The following KNTC1 variants were observed in gnomAD, a reference collection of about 807,000 sequenced individuals.
KNTC1 encodes the protein kinetochore-associated protein 1.
In KNTC1, 253 loss-of-function variants were observed where a neutral mutation model predicts 314.4. The observed-to-expected ratio is 0.80, with a 90% CI of 0.73 to 0.89. KNTC1 has a LOEUF of 0.89. KNTC1 is among the 40% of genes least tolerant of loss of function. The pLI, the probability that KNTC1 is intolerant of heterozygous loss-of-function variation, is 0.00. For synonymous variants in KNTC1, 901 were observed against 901.4 expected (o/e 1.00, Z 0.01); for missense variants, 2,475 against 2,572.9 (o/e 0.96, Z 0.82).
At position 122,602,646 on chromosome 12, in the gene KNTC1, G is replaced by A; in HGVS notation, c.4731G>A (p.Leu1577=). ...TGGATCTAGAATATCAGTATATGTT[G>A]GAACATGTCATAACTTTGCCATCAG... ...PPVDLEYQYM[L]EHVITLPSAA... Residue 1577 remains leucine (L), a synonymous_variant, in exon 46 of 64, where the codon TTG becomes TTA. Coordinates refer to ENST00000333479, the MANE Select transcript of KNTC1 (RefSeq NM_014708.6). 6 of 1,612,254 alleles carry A rather than the reference G, an allele frequency of 3.7e-6. No homozygotes were observed. Among genetic ancestry groups the A allele is most frequent in the Non-Finnish European group, 5.1e-6 (6 of 1,178,408 alleles).
At chr12:122,624,024 C>T (rs1162526812) in intron 62 of KNTC1, among the ~76,000 whole-genome samples, 3 of 152,118 alleles carry the variant, frequency 2.0e-5, no homozygotes, top group Non-Finnish European at 2.9e-5. Context: ...GCCGAGATCG[C>T]ACCATTGCAC....
At chr12:122,564,300 C>T (rs1201286141) in intron 20 of KNTC1, among the ~76,000 whole-genome samples, 1 of 151,626 alleles carries the variant, frequency 6.6e-6, no homozygotes, top group Non-Finnish European at 1.5e-5. Flanking sequence ...TTTTAATAAT[C>T]TGAAAATCCA....
At position 122,615,073 on chromosome 12, in the gene KNTC1, T is replaced by C. The variant is rs371165754; in HGVS notation, c.5960T>C (p.Leu1987Pro). The change falls in exon 56 of 64, where the codon CTG becomes CCG. Residue 1987 changes from leucine (L) to proline (P), a missense_variant. Leu to Pro is a moderately conservative substitution (Grantham distance 98). Transcript: ENST00000333479. The stretch of plus-strand genomic sequence containing the variant: ...TGGAATGGACTCTTGCAAAAGCTTC[T>C]GGGCTTCAATATGGTAAGTAAGACT... ...QLWNGLLQKL[L>P]GFNMIPYLRK... The C allele has an allele frequency of 2.7e-5, 43 of 1,611,348 alleles. No homozygotes were observed. The highest frequency in any genetic ancestry group is 1.6e-4 in the Middle Eastern group (1 of 6,078).
chr12:122,603,180 T>C lies in KNTC1; in HGVS notation c.5038T>C (p.Ser1680Pro), dbSNP rs1368874405. ...GCAGACCATCGAATCCTGCTTACTC[T>C]CTATAGTCAACCCAGAGTGGGCTGT... ...ITQTIESCLL[S>P]IVNPEWAVAI... Residue 1680 changes from serine (S) to proline (P), a missense_variant, in exon 48 of 64, where the codon TCT becomes CCT. Ser to Pro is a moderately conservative substitution (Grantham distance 74). Transcript: ENST00000333479. The C allele has an allele frequency of 6.2e-7, 1 of 1,613,308 alleles. No homozygotes were observed. Among genetic ancestry groups the C allele is most frequent in the South Asian group, 1.1e-5 (1 of 90,980 alleles).
At chr12:122,616,414 C>T (rs1456247984) in intron 57 of KNTC1, among the ~76,000 whole-genome samples, 12 of 152,076 alleles carry the variant, frequency 7.9e-5, no homozygotes, top group South Asian at 2.1e-4. Flanking sequence ...AGGCGCATGC[C>T]GCCACGCCCT....
intron 43 of KNTC1, chr12:122,597,231 A>G (rs1340503704): frequency 6.4e-6 from 1 of 155,284 alleles, no homozygotes; most frequent in Non-Finnish European, 1.4e-5. Context: ...CCCACCAGGA[A>G]TAATACCTGA....
At position 122,622,588 on chromosome 12, in the gene KNTC1, T is replaced by C; in HGVS notation, c.6496T>C (p.Tyr2166His). 2 of 1,542,570 alleles carry C rather than the reference T, an allele frequency of 1.3e-6. No homozygotes were observed. The highest frequency in any genetic ancestry group is 1.7e-6 in the Non-Finnish European group (2 of 1,145,254). Residue 2166 changes from tyrosine (Y) to histidine (H), a missense_variant, in exon 62 of 64, where the codon TAT becomes CAT. Tyr to His is a moderately conservative substitution (Grantham distance 83, BLOSUM62 2). Transcript: ENST00000333479. ...NTNNITELVN[Y>H]LANDLSLDEA... ...CAACAATATCACTGAGCTAGTGAAC[T>C]ATTTGGCAAATGACTTAAGGTAAGT... is the stretch of plus-strand genomic sequence containing the variant.
intron 57 of KNTC1, among the ~76,000 whole-genome samples, chr12:122,616,069 A>G (rs780780654): frequency 2.0e-5 from 3 of 152,084 alleles, no homozygotes; most frequent in African/African-American, 4.8e-5. Context: ...TCTTTTCTAC[A>G]TTTCACATAA....
Position 122,561,903 on chromosome 12 carries a change from CTTATTA to C in KNTC1, c.1489-15_1489-10del, listed in dbSNP as rs746149851. The stretch of plus-strand genomic sequence containing the variant: ...AGTAGATATTCTTCTAACTGTATTT[CTTATTA>C]TTCTTACTTAGCTTTTGAAGAAAGA... On this transcript the variant is annotated splice_polypyrimidine_tract_variant and intron_variant, in intron 18 of 63. Transcript: ENST00000333479. The C allele has an allele frequency of 3.3e-4, 508 of 1,543,350 alleles. 1 individual carries two copies. The Middle Eastern group carries it at 3.6e-3, about 11-fold the overall frequency.
At chr12:122,550,999 T>C (rs1352236903) in intron 13 of KNTC1, among the ~76,000 whole-genome samples, 2 of 152,214 alleles carry the variant, frequency 1.3e-5, no homozygotes, top group Non-Finnish European at 2.9e-5. Flanking sequence ...ATTTGTCCTG[T>C]TATGGGTGAT....
chr12:122,538,241 G>T, intron 3 of KNTC1, 98 bp from the exon 4 acceptor site: 2 of 660,538 alleles, frequency 3.0e-6, no homozygotes, highest in Admixed American at 2.8e-5. Flanking sequence ...AGTAACTTAA[G>T]TAATCGTTGG....
At chr12:122,532,737 T>C (rs1173059864) in intron 2 of KNTC1, among the ~76,000 whole-genome samples, 1 of 152,212 alleles carries the variant, frequency 6.6e-6, no homozygotes, top group East Asian at 1.9e-4. Flanking sequence ...TGGCATCTTA[T>C]TCATTCCTTT....
chr12:122,591,400 T>G lies in KNTC1; in HGVS notation c.4192T>G (p.Phe1398Val). 6.2e-7 allele frequency: 1 copy of G among 1,612,378 alleles called. No individual in the cohort carries two copies. Among genetic ancestry groups the G allele is most frequent in the South Asian group, 1.1e-5 (1 of 90,982 alleles). The change falls in exon 42 of 64, where the codon TTC (phenylalanine) becomes GTC (valine). Residue 1398 changes from phenylalanine to valine, a missense_variant. Physicochemically the swap from Phe to Val is conservative, Grantham distance 50. Transcript: ENST00000333479. ...TCAGGAAATAGAAATGGGGCTTAAG[T>G]TCCGTGAACTCAGTACTGATGCCCA... The part of the protein sequence containing the change: ...LYQEIEMGLK[F>V]RELSTDAQWG...
intron 47 of KNTC1, 61 bp from the exon 48 acceptor site, chr12:122,602,965 CT>C: frequency 6.4e-7 from 1 of 1,558,400 alleles, no homozygotes; most frequent in Non-Finnish European, 8.8e-7. Context: ...TTTTCTGCTG[CT>C]TTCATGTAAA....
In KNTC1 at chr12:122,626,217, G is replaced by C. The variant is rs1473725173; in HGVS notation, c.6619G>C (p.Gly2207Arg). 8.2e-6 allele frequency: 13 copies of C among 1,587,868 alleles called. No individual in the cohort carries two copies. Among genetic ancestry groups the C allele is most frequent in the Non-Finnish European group, 1.1e-5 (13 of 1,161,684 alleles). Reference sequence around the variant, plus strand: ...TCTTCCCATTTAGATGTTTCTTAGTGGATTATCGTAAATCACTGAACCTTT... The same window carrying C: ...TCTTCCCATTTAGATGTTTCTTAGTCGATTATCGTAAATCACTGAACCTTT... ...PCEILKMFLS[G>R]LS Residue 2207 changes from glycine (G) to arginine (R), a missense_variant, in exon 64 of 64, where the codon GGA becomes CGA. By Grantham distance (125) the Gly-to-Arg change is moderately radical. Transcript: ENST00000333479.
chr12:122,575,903 A>G lies in KNTC1; in HGVS notation c.2586+4A>G, dbSNP rs1332963469. On this transcript the variant is annotated splice_donor_region_variant and intron_variant, in intron 29 of 63. Coordinates refer to ENST00000333479, the MANE Select transcript of KNTC1 (RefSeq NM_014708.6). ...TCTCTTAAACAAGGAAATAATGGTAAGTACACTCTTCGAAGAGTCTTTTTT... is the reference window on the plus strand; with the variant it reads ...TCTCTTAAACAAGGAAATAATGGTAGGTACACTCTTCGAAGAGTCTTTTTT... The G allele has an allele frequency of 6.2e-7, 1 of 1,600,104 alleles. No individual in the cohort carries two copies. Among genetic ancestry groups the G allele is most frequent in the African/African-American group, 1.4e-5 (1 of 73,384 alleles).
intron 8 of KNTC1, among the ~76,000 whole-genome samples, chr12:122,545,758 T>C (rs956941715): frequency 1.3e-5 from 2 of 151,732 alleles, no homozygotes; most frequent in African/African-American, 4.8e-5. Context: ...TTGAGACCAG[T>C]CTCAGCAACA....
intron 45 of KNTC1, 70 bp downstream of exon 45, chr12:122,601,695 A>T (rs769159578): frequency 1.5e-6 from 2 of 1,302,946 alleles, no homozygotes; most frequent in Admixed American, 3.9e-5. Context: ...TCATATCATT[A>T]TCCAGGGCCT....
intron 2 of KNTC1, among the ~76,000 whole-genome samples, chr12:122,530,452 C>CT (rs1231027673): frequency 5.2e-3 from 730 of 140,362 alleles, no homozygotes; most frequent in African/African-American, 9.5e-3. Context: ...CAAAGGATAT[C>CT]TTTTTTTTTT....
Sources: gnomAD v4.1 joint callset for allele counts (sites outside exome capture counted in the v4.1 genomes callset) on GRCh38, gnomAD v4.1.1 for gene constraint, MANE v1.5 for transcripts, NCBI Gene and HGNC (gene_info 2026-07-23, HGNC 2026-07-21) for gene names.